Variants in LNX1 observed in about 807,000 individuals in gnomAD.
LNX1 encodes E3 ubiquitin-protein ligase LNX.
Under a neutral mutation model 68.4 loss-of-function variants are expected in LNX1, and 54 were observed. The observed-to-expected ratio is 0.79, with a 90% confidence interval of 0.63 to 0.99. LNX1 has a LOEUF of 0.99. LNX1 is among the 50% of genes least tolerant of loss of function. The pLI is 0.00. For missense variants in LNX1, 906 were observed against 926.4 expected (o/e 0.98, Z 0.29); for synonymous variants, 336 against 350.0 (o/e 0.96, Z 0.45).
chr4:53,607,227 T>C (rs1452336400), intron 2 of LNX1, among the ~76,000 whole-genome samples: 2 of 152,164 alleles, frequency 1.3e-5, no homozygotes, highest in Non-Finnish European at 2.9e-5. Flanking sequence ...AGTCTTTGCC[T>C]AAAAGCTCAC....
At position 53,498,745 on chromosome 4, in the gene LNX1, C is replaced by T; in HGVS notation, c.874G>A (p.Gly292Arg). 1.2e-6 allele frequency: 2 copies of T among 1,613,886 alleles called. No homozygotes were observed. The highest frequency in any genetic ancestry group is 1.7e-6 in the Non-Finnish European group (2 of 1,179,776). The change falls in exon 5 of 11, where the codon GGA (glycine) becomes AGA (arginine). Residue 292 changes from glycine (G) to arginine (R), a missense_variant. Coordinates refer to ENST00000263925, the MANE Select transcript of LNX1 (RefSeq NM_001126328.3). ...PSESLSIRLV[G>R]GSETPLVHII... ...TGGACCAGTGGGGTTTCGCTACCTCCCACCAGCCTAATAGAGAGGCTTTCA... is the reference window on the plus strand; with the variant it reads ...TGGACCAGTGGGGTTTCGCTACCTCTCACCAGCCTAATAGAGAGGCTTTCA...
intron 2 of LNX1, among the ~76,000 whole-genome samples, chr4:53,565,180 C>T (rs1039316957): frequency 1.3e-5 from 2 of 152,146 alleles, no homozygotes; most frequent in Non-Finnish European, 2.9e-5. Context: ...TCTGTAGGCT[C>T]CACCTCTGGG....
At chr4:53,467,633 G>A (rs1254140640) in intron 9 of LNX1, among the ~76,000 whole-genome samples, 1 of 152,214 alleles carries the variant, frequency 6.6e-6, no homozygotes, top group East Asian at 1.9e-4. Context: ...AGCCAATGCA[G>A]AGAAGTCCTT....
At chr4:53,626,241 G>T (rs920818330) in intron 1 of LNX1, among the ~76,000 whole-genome samples, 12 of 152,140 alleles carry the variant, frequency 7.9e-5, no homozygotes, top group Non-Finnish European at 2.9e-5. Context: ...CAGAGGTGGG[G>T]TGGGAATAGA....
intron 2 of LNX1, among the ~76,000 whole-genome samples, chr4:53,566,597 G>T (rs1251189382): frequency 6.6e-6 from 1 of 150,866 alleles, no homozygotes; most frequent in Admixed American, 6.6e-5. Flanking sequence ...CAACTAACGA[G>T]CAAAATAACC....
intron 5 of LNX1, among the ~76,000 whole-genome samples, chr4:53,497,425 G>T: frequency 6.6e-6 from 1 of 152,182 alleles, no homozygotes; most frequent in East Asian, 1.9e-4. Flanking sequence ...CTTTCTTGAG[G>T]ATATAATCAC....
At chr4:53,496,896 T>C (rs1725107417) in intron 5 of LNX1, among the ~76,000 whole-genome samples, 2 of 152,134 alleles carry the variant, frequency 1.3e-5, no homozygotes, top group Non-Finnish European at 2.9e-5. Context: ...TGTGTGTATG[T>C]AGATGTGATA....
At chr4:53,546,879 T>C (rs140091601) in intron 2 of LNX1, among the ~76,000 whole-genome samples, 342 of 152,320 alleles carry the variant, frequency 2.2e-3, no homozygotes, top group Non-Finnish European at 4.4e-3. Context: ...GAGCCACTTG[T>C]GGAGGCAGAG....
intron 6 of LNX1, among the ~76,000 whole-genome samples, chr4:53,485,175 C>A (rs1417497984): frequency 6.6e-5 from 10 of 152,180 alleles, no homozygotes; most frequent in Non-Finnish European, 4.4e-5. Flanking sequence ...TGGGAACTCT[C>A]TAAAGCAAAA....
At chr4:53,574,923 C>T (rs1272078554) in intron 1 of LNX1, among the ~76,000 whole-genome samples, 1 of 152,092 alleles carries the variant, frequency 6.6e-6, no homozygotes, top group Non-Finnish European at 1.5e-5. Context: ...AGCTAGAGCT[C>T]CTATAAGGGG....
rs115185527 is a variant in LNX1, at chr4:53,553,865, G to A, written c.380+19758C>T. On this transcript the variant is annotated intron_variant, in intron 2 of 10. Transcript: ENST00000263925. ...AATAAACATATTTAAAGAAGGAAAG[G>A]CCCTGGTATAAACACACCTGATAGC... 6.7e-3 allele frequency among the ~76,000 whole-genome samples: 1,022 copies of A among 152,238 alleles called. 5 individuals carry two copies. The highest frequency in any genetic ancestry group is 0.011 in the Non-Finnish European group (777 of 68,028).
At position 53,573,966 on chromosome 4, in the gene LNX1, G is replaced by A. The variant is rs199747919; in HGVS notation, c.37C>T (p.Leu13=). ...QPESANDPEP[L]CAVCGQAHSL... Reference sequence around the variant, plus strand: ...TGGGCTTGGCCACACACTGCACACAGGGGTTCAGGATCGTTGGCAGACTCT... The same window carrying A: ...TGGGCTTGGCCACACACTGCACACAAGGGTTCAGGATCGTTGGCAGACTCT... The change falls in exon 2 of 11, where the codon CTG becomes TTG. Residue 13 remains leucine, a synonymous_variant. Transcript: ENST00000263925. 3 of 1,613,468 alleles carry A rather than the reference G, an allele frequency of 1.9e-6. No homozygotes were observed. The highest frequency in any genetic ancestry group is 2.2e-5 in the East Asian group (1 of 44,896).
At chr4:53,480,945 A>G (rs964059255) in intron 7 of LNX1, among the ~76,000 whole-genome samples, 3 of 152,224 alleles carry the variant, frequency 2.0e-5, no homozygotes, top group Admixed American at 2.0e-4. Flanking sequence ...GATGACTGAA[A>G]GAAGCTCATC....
intron 2 of LNX1, chr4:53,523,019 C>T (rs184428217): frequency 6.6e-6 from 1 of 152,012 alleles, no homozygotes; most frequent in Non-Finnish European, 1.5e-5. Context: ...AGCAACAGAC[C>T]CATTTGGGAA....
At chr4:53,507,249 G>A in intron 4 of LNX1, 68 bp downstream of exon 4, 5 of 1,519,876 alleles carry the variant, frequency 3.3e-6, no homozygotes, top group Non-Finnish European at 4.5e-6. Flanking sequence ...TGATCAGATT[G>A]CGTCATCCCT....
chr4:53,595,512 C>T (rs1732708327), upstream of LNX1, among the ~76,000 whole-genome samples: 1 of 152,180 alleles, frequency 6.6e-6, no homozygotes, highest in Admixed American at 6.5e-5. Flanking sequence ...CCAGGATATG[C>T]CATTTCGGCA....
upstream of LNX1, among the ~76,000 whole-genome samples, chr4:53,619,140 C>T (rs533922393): frequency 1.4e-4 from 22 of 152,280 alleles, no homozygotes; most frequent in South Asian, 2.9e-3. Flanking sequence ...AAAATGTTAG[C>T]ACCACCAAAT....
At chr4:53,516,719 C>T (rs904783103) in intron 2 of LNX1, among the ~76,000 whole-genome samples, 1 of 152,300 alleles carries the variant, frequency 6.6e-6, no homozygotes, top group Non-Finnish European at 1.5e-5. Flanking sequence ...AGAGGAGCAA[C>T]ATGTTGGTGG....
chr4:53,589,964 A>T (rs933583620), intron 1 of LNX1, among the ~76,000 whole-genome samples: 1 of 152,220 alleles, frequency 6.6e-6, no homozygotes, highest in South Asian at 2.1e-4. Context: ...CTAATCAACC[A>T]TGGTAAACCA....
Sources: gnomAD v4.1 joint callset for allele counts (sites outside exome capture counted in the v4.1 genomes callset) on GRCh38, gnomAD v4.1.1 for gene constraint, MANE v1.5 for transcripts, NCBI Gene and HGNC (gene_info 2026-07-23, HGNC 2026-07-21) for gene names.